COMMD1: variants seen among roughly 807,000 people sequenced by gnomAD.
The protein encoded by COMMD1 is copper metabolism domain containing 1, also known as COMM domain-containing protein 1.
In COMMD1, 10 loss-of-function variants were observed where a neutral mutation model predicts 17.2. That is an observed-to-expected ratio of 0.58 (90% CI 0.36 to 0.99). The LOEUF (loss-of-function observed/expected upper bound fraction) is 0.99, where lower values mean the gene tolerates loss of function less well. Ranked by LOEUF, COMMD1 falls within the 50% of genes least tolerant of loss-of-function variation. The pLI, the probability that COMMD1 is intolerant of heterozygous loss-of-function variation, is 0.01. For synonymous variants in COMMD1, 97 were observed against 91.6 expected (o/e 1.06, Z -0.34); for missense variants, 270 against 231.8 (o/e 1.17, Z -1.07).
At chr2:61,905,582 G>C, upstream of COMMD1, 1 of 1,279,340 alleles carries the variant, frequency 7.8e-7, no homozygotes, top group Non-Finnish European at 1.0e-6. Context: ...GGTTCCCCGA[G>C]GTTCCCCGTG....
chr2:61,969,399 CA>C (rs1389678218), intron 1 of COMMD1, among the ~76,000 whole-genome samples: 1 of 152,024 alleles, frequency 6.6e-6, no homozygotes, highest in East Asian at 1.9e-4. Context: ...CAATAGTCAC[CA>C]GAGGCAAATT....
At chr2:62,047,189 T>C (rs1670406445) in intron 2 of COMMD1, among the ~76,000 whole-genome samples, 1 of 152,206 alleles carries the variant, frequency 6.6e-6, no homozygotes, top group South Asian at 2.1e-4. Context: ...CATAATGATC[T>C]TTTAGTCAAT....
intron 1 of COMMD1, among the ~76,000 whole-genome samples, chr2:61,986,828 C>G (rs1407853512): frequency 6.6e-6 from 1 of 152,078 alleles, no homozygotes; most frequent in African/African-American, 2.4e-5. Context: ...CTTGGCCTCC[C>G]AAAGTGCTAG....
chr2:62,122,400 T>C (rs551219582), intron 2 of COMMD1, among the ~76,000 whole-genome samples: 127 of 152,022 alleles, frequency 8.4e-4, no homozygotes, highest in African/African-American at 2.6e-3. Context: ...CTGGGAATTA[T>C]GGACTTCACA....
At chr2:61,934,962 A>G (rs1670565646) in intron 1 of COMMD1, among the ~76,000 whole-genome samples, 1 of 152,234 alleles carries the variant, frequency 6.6e-6, no homozygotes, top group Non-Finnish European at 1.5e-5. Context: ...AACAAAAGAC[A>G]GATTGACAAG....
Position 62,118,363 on chromosome 2 carries a change from C to T in COMMD1, c.463-17468C>T, listed in dbSNP as rs556502095. The T allele has an allele frequency of 2.0e-5, 3 of 152,284 alleles. No homozygotes were observed. In the South Asian group the frequency reaches 6.2e-4, roughly 32 times the overall value. 9.4% of individuals were successfully genotyped at this position (152,284 alleles called of 1,614,324 possible). A position where few individuals can be genotyped will look rare whatever the true frequency, so the allele number is the denominator to read the frequency against. ...GATGATTATTGCATTTGAACAAAGG[C>T]CCCAGCAACCCAAGTGATGTCAGAA... On this transcript the variant is annotated intron_variant, in intron 2 of 2. Coordinates refer to ENST00000311832, the MANE Select transcript of COMMD1 (RefSeq NM_152516.4).
chr2:62,115,854 TTCTTTC>T (rs201352006), intron 2 of COMMD1, among the ~76,000 whole-genome samples: 9,349 of 79,756 alleles, frequency 0.12, 603 homozygotes, highest in Non-Finnish European at 0.15. Flanking sequence ...CTTTCTTTCT[TTCTTTC>T]TTTTTTTTTT....
At chr2:62,063,998 G>T (rs534498074) in intron 2 of COMMD1, among the ~76,000 whole-genome samples, 1 of 149,214 alleles carries the variant, frequency 6.7e-6, no homozygotes, top group Non-Finnish European at 1.5e-5. Flanking sequence ...AGTGAGTGGT[G>T]ATCACACCAC....
chr2:62,028,844 C>T (rs944536083), intron 2 of COMMD1, among the ~76,000 whole-genome samples: 1 of 152,038 alleles, frequency 6.6e-6, no homozygotes, highest in African/African-American at 2.4e-5. Flanking sequence ...TATTTAAGTT[C>T]ATTTTTATTG....
intron 2 of COMMD1, among the ~76,000 whole-genome samples, chr2:62,051,138 T>G (rs1023581432): frequency 4.6e-5 from 7 of 152,096 alleles, no homozygotes; most frequent in Non-Finnish European, 1.5e-5. Flanking sequence ...ATGCAGCTTA[T>G]TTACCTATAT....
chr2:61,912,038 C>T (rs980915710), intron 1 of COMMD1, among the ~76,000 whole-genome samples: 1 of 152,174 alleles, frequency 6.6e-6, no homozygotes, highest in Non-Finnish European at 1.5e-5. Flanking sequence ...TATAAAGACC[C>T]TCATTCTTCC....
At chr2:61,963,366 TG>T (rs1229916990) in intron 1 of COMMD1, among the ~76,000 whole-genome samples, 1 of 152,076 alleles carries the variant, frequency 6.6e-6, no homozygotes, top group African/African-American at 2.4e-5. Flanking sequence ...TGTTTTGTTT[TG>T]TTTTTTTGAG....
chr2:62,108,466 A>C (rs1329808670), intron 2 of COMMD1, among the ~76,000 whole-genome samples: 1 of 152,162 alleles, frequency 6.6e-6, no homozygotes, highest in Non-Finnish European at 1.5e-5. Context: ...AATTGTAGAG[A>C]TGTACAAGAC....
chr2:62,006,847 C>G (rs1669135147), intron 2 of COMMD1, among the ~76,000 whole-genome samples: 2 of 152,132 alleles, frequency 1.3e-5, no homozygotes, highest in South Asian at 2.1e-4. Flanking sequence ...TTTTTAAACA[C>G]TAACTGGGGA....
intron 2 of COMMD1, among the ~76,000 whole-genome samples, chr2:62,125,705 G>C (rs1672867801): frequency 6.6e-6 from 1 of 152,102 alleles, no homozygotes. Context: ...TATAAGAACA[G>C]GTTATAGCAA....
intron 1 of COMMD1, among the ~76,000 whole-genome samples, chr2:61,899,980 C>G (rs111368110): frequency 2.0e-5 from 3 of 152,110 alleles, no homozygotes; most frequent in African/African-American, 7.2e-5. Flanking sequence ...CCTGTATTTT[C>G]ACTTGCTTCT....
At chr2:62,110,242 G>T (rs1672421265) in intron 2 of COMMD1, among the ~76,000 whole-genome samples, 1 of 151,746 alleles carries the variant, frequency 6.6e-6, no homozygotes, top group Admixed American at 6.6e-5. Flanking sequence ...GCTAATTTTT[G>T]ATTTTTTTTA....
chr2:62,099,761 C>G (rs1383388775), intron 2 of COMMD1, among the ~76,000 whole-genome samples: 1 of 152,016 alleles, frequency 6.6e-6, no homozygotes, highest in Non-Finnish European at 1.5e-5. Context: ...AGGCGACCAG[C>G]CCTTATATGC....
chr2:61,905,637 G>T (rs965958191), upstream of COMMD1: 1 of 1,493,872 alleles, frequency 6.7e-7, no homozygotes. Flanking sequence ...CCGCCGTGGC[G>T]GGGCACGGCT....
Sources: gnomAD v4.1 joint callset for allele counts (sites outside exome capture counted in the v4.1 genomes callset) on GRCh38, gnomAD v4.1.1 for gene constraint, MANE v1.5 for transcripts, NCBI Gene and HGNC (gene_info 2026-07-23, HGNC 2026-07-21) for gene names.